The following LIPI variants were observed in gnomAD, a reference collection of about 807,000 sequenced individuals.
The protein encoded by LIPI is lipase I, also known as lipase member I.
Under a neutral mutation model 50.6 loss-of-function variants are expected in LIPI, and 59 were observed. The ratio of observed to expected loss-of-function variants is 1.16; its 90% confidence interval spans 0.94 to 1.45. The LOEUF is 1.45. Ranked by LOEUF, LIPI falls within the 40% of genes most tolerant of loss-of-function variation. The pLI, the probability that LIPI is intolerant of heterozygous loss-of-function variation, is 0.00. For missense variants in LIPI, 586 were observed against 536.3 expected (o/e 1.09, Z -0.92); for synonymous variants, 203 against 178.2 (o/e 1.14, Z -1.11).
In LIPI at chr21:14,152,605, C is replaced by G; in HGVS notation, c.1086G>C (p.Gln362His). Residue 362 changes from glutamine to histidine, a missense_variant, in exon 8 of 10, where the codon CAG becomes CAC. Coordinates refer to ENST00000681601, the MANE Select transcript of LIPI (RefSeq NM_001302998.2). ...GCCTTGGCTCTTCAATCATTCCAAGCTGATTTAATAATTTAAATGAAAACG... is the reference window on the plus strand; with the variant it reads ...GCCTTGGCTCTTCAATCATTCCAAGGTGATTTAATAATTTAAATGAAAACG... ...DGSFSFKLLN[Q>H]LGMIEEPRLY... 6.3e-7 allele frequency: 1 copy of G among 1,585,806 alleles called. No individual in the cohort carries two copies.
At chr21:14,193,966 A>C (rs1482123006) in intron 1 of LIPI, among the ~76,000 whole-genome samples, 1 of 152,152 alleles carries the variant, frequency 6.6e-6, no homozygotes, top group Non-Finnish European at 1.5e-5. Flanking sequence ...CAACCCAATT[A>C]AAACTGGGCA....
intron 9 of LIPI, among the ~76,000 whole-genome samples, chr21:14,123,803 C>G (rs1269590685): frequency 1.3e-5 from 2 of 152,148 alleles, no homozygotes; most frequent in Non-Finnish European, 2.9e-5. Flanking sequence ...AGCCGTGGAT[C>G]TGTTAGCCAT....
At chr21:14,127,327 C>G (rs2017105157) in intron 9 of LIPI, among the ~76,000 whole-genome samples, 1 of 152,102 alleles carries the variant, frequency 6.6e-6, no homozygotes, top group South Asian at 2.1e-4. Context: ...CAGCAATTAC[C>G]TAGGTAATTA....
intron 4 of LIPI, among the ~76,000 whole-genome samples, chr21:14,170,416 G>C (rs1415725596): frequency 6.6e-6 from 1 of 152,092 alleles, no homozygotes; most frequent in Non-Finnish European, 1.5e-5. Context: ...AACAAAAAAA[G>C]AGAATTTTAG....
At chr21:14,128,262 T>C (rs1212458851) in intron 9 of LIPI, among the ~76,000 whole-genome samples, 1 of 152,090 alleles carries the variant, frequency 6.6e-6, no homozygotes, top group Admixed American at 6.5e-5. Context: ...TGAATTAAAA[T>C]TTCCAAATCT....
chr21:14,157,308 C>G (rs1274644925), intron 7 of LIPI, among the ~76,000 whole-genome samples: 1 of 151,906 alleles, frequency 6.6e-6, no homozygotes, highest in East Asian at 1.9e-4. Flanking sequence ...GTAGCTGGCA[C>G]AACCTTTTCC....
chr21:14,178,511 T>C (rs145192963), intron 4 of LIPI, among the ~76,000 whole-genome samples: 2 of 152,332 alleles, frequency 1.3e-5, no homozygotes, highest in East Asian at 3.9e-4. Context: ...GTCAATTATT[T>C]TACTTTTTAG....
At chr21:14,179,482 T>C (rs961741211) in intron 4 of LIPI, among the ~76,000 whole-genome samples, 1 of 152,000 alleles carries the variant, frequency 6.6e-6, no homozygotes, top group African/African-American at 2.4e-5. Context: ...TATAAGACAA[T>C]CCAAGACAGT....
chr21:14,132,073 A>G (rs1199787995), intron 9 of LIPI, among the ~76,000 whole-genome samples: 2 of 152,202 alleles, frequency 1.3e-5, no homozygotes, highest in African/African-American at 4.8e-5. Flanking sequence ...CTTTTACTAC[A>G]TGAAGTGACC....
intron 4 of LIPI, among the ~76,000 whole-genome samples, chr21:14,174,730 T>A (rs2019036167): frequency 6.6e-6 from 1 of 152,118 alleles, no homozygotes; most frequent in Non-Finnish European, 1.5e-5. Flanking sequence ...ATTTTTGGTA[T>A]TTTTAGCAGA....
chr21:14,166,815 T>A (rs73346045), intron 4 of LIPI, among the ~76,000 whole-genome samples: 9,766 of 152,212 alleles, frequency 0.064, 581 homozygotes, highest in East Asian at 0.22. Flanking sequence ...AGCATTTCCA[T>A]CTGAGGTACC....
chr21:14,119,323 C>T (rs1417688004), intron 9 of LIPI, among the ~76,000 whole-genome samples: 1 of 152,188 alleles, frequency 6.6e-6, no homozygotes, highest in Non-Finnish European at 1.5e-5. Context: ...AACAGAGAGT[C>T]TCCTTTGAGC....
chr21:14,204,424 T>C (rs1417495818), intron 1 of LIPI, among the ~76,000 whole-genome samples: 1 of 151,948 alleles, frequency 6.6e-6, no homozygotes, highest in African/African-American at 2.4e-5. Flanking sequence ...ACACCATGAT[T>C]GAATATAAGC....
chr21:14,118,655 T>C (rs1331528402), intron 9 of LIPI, among the ~76,000 whole-genome samples: 6 of 152,180 alleles, frequency 3.9e-5, no homozygotes, highest in Non-Finnish European at 8.8e-5. Flanking sequence ...TGGAAGAAGA[T>C]ATAGTGTGGC....
At chr21:14,153,730 A>G (rs548184965) in intron 7 of LIPI, among the ~76,000 whole-genome samples, 1 of 152,140 alleles carries the variant, frequency 6.6e-6, no homozygotes, top group Non-Finnish European at 1.5e-5. Context: ...AGGAGAAATG[A>G]TGCTAAAGGA....
At chr21:14,197,526 T>A (rs1172465405) in intron 1 of LIPI, among the ~76,000 whole-genome samples, 1 of 151,784 alleles carries the variant, frequency 6.6e-6, no homozygotes, top group African/African-American at 2.4e-5. Flanking sequence ...AATCTCCGGG[T>A]TAGATTCTTT....
At chr21:14,182,862 T>C (rs1208608174) in intron 3 of LIPI, among the ~76,000 whole-genome samples, 1 of 152,110 alleles carries the variant, frequency 6.6e-6, no homozygotes, top group Non-Finnish European at 1.5e-5. Flanking sequence ...TGGAAGAACA[T>C]TCCATGCTCA....
rs751642072 is a variant in LIPI at position 14,189,033 on chromosome 21, C to A, written c.432+1G>T. 2 of 1,602,522 alleles carry A rather than the reference C, an allele frequency of 1.2e-6. No homozygotes were observed. Among genetic ancestry groups the A allele is most frequent in the Non-Finnish European group, 1.7e-6 (2 of 1,179,186 alleles). ...ATAATACATAAAATTCCCAGACTTACCAAAAGATTTTTAATGTGCACACTC... is the reference window on the plus strand; with the variant it reads ...ATAATACATAAAATTCCCAGACTTAACAAAAGATTTTTAATGTGCACACTC... On this transcript the variant is annotated splice_donor_variant, in intron 2 of 9. Coordinates refer to ENST00000681601, the MANE Select transcript of LIPI (RefSeq NM_001302998.2). LOFTEE classifies it high-confidence loss of function.
intron 7 of LIPI, among the ~76,000 whole-genome samples, chr21:14,162,443 A>T (rs188834914): frequency 1.3e-5 from 2 of 151,934 alleles, no homozygotes; most frequent in Non-Finnish European, 2.9e-5. Flanking sequence ...AAATACACAT[A>T]TAGCCACACA....
Sources: allele counts gnomAD v4.1 joint callset (sites outside exome capture counted in the v4.1 genomes callset), GRCh38; gene constraint gnomAD v4.1.1; transcripts MANE v1.5; gene names NCBI Gene and HGNC (gene_info 2026-07-23, HGNC 2026-07-21).